Variants in DYRK1A observed in about 807,000 individuals in gnomAD.
DYRK1A encodes dual specificity tyrosine phosphorylation regulated kinase 1A.
DYRK1A carries 9 observed loss-of-function variants against 79.7 expected under a neutral mutation model. The ratio of observed to expected loss-of-function variants is 0.11; its 90% CI spans 0.07 to 0.20. The LOEUF (loss-of-function observed/expected upper bound fraction) is 0.20. Among genes scored for constraint, DYRK1A ranks in the 10% least tolerant of loss-of-function variants. The pLI is 1.00. For synonymous variants in DYRK1A, 349 were observed against 329.7 expected (o/e 1.06, Z -0.63); for missense variants, 622 against 956.0 (o/e 0.65, Z 4.61).
chr21:37,523,530 C>T lies in DYRK1A; in HGVS notation c.*10999C>T, dbSNP rs888932544. 1 of 152,212 alleles carries T rather than the reference C, an allele frequency of 6.6e-6. No individual in the cohort carries two copies. 9.4% of individuals were successfully genotyped at this position (152,212 alleles called of 1,614,324 possible). A position where few individuals can be genotyped will look rare whatever the true frequency, so the allele number is the denominator to read the frequency against. Reference sequence around the variant, plus strand: ...AGTTTTTGTCTCCCTGAAGCATCAACCTGCTTTCCTGCTGCTGTTATCACA... The same window carrying T: ...AGTTTTTGTCTCCCTGAAGCATCAATCTGCTTTCCTGCTGCTGTTATCACA... On this transcript the variant is annotated 3_prime_UTR_variant, in exon 12 of 12. Coordinates refer to ENST00000647188, the MANE Select transcript of DYRK1A (RefSeq NM_001347721.2).
chr21:37,371,268 T>C (rs909524154), intron 1 of DYRK1A, among the ~76,000 whole-genome samples: 3 of 152,202 alleles, frequency 2.0e-5, no homozygotes, highest in South Asian at 2.1e-4. Context: ...GAAGGTTCGT[T>C]CATATTGGGT....
intron 10 of DYRK1A, 108 bp from the exon 11 acceptor site, chr21:37,505,989 ATG>A (rs966630892): frequency 4.9e-5 from 62 of 1,255,978 alleles, no homozygotes; most frequent in Non-Finnish European, 6.4e-5. Context: ...GAGATTTTGT[ATG>A]TGTGTGTGTG....
chr21:37,505,687 T>C, intron 10 of DYRK1A, 98 bp downstream of exon 10: 1 of 1,287,748 alleles, frequency 7.8e-7, no homozygotes, highest in Non-Finnish European at 1.1e-6. Context: ...GTTAATAGAG[T>C]GGGGAGCAGT....
chr21:37,476,415 T>C (rs577056721), intron 3 of DYRK1A, among the ~76,000 whole-genome samples: 10 of 152,368 alleles, frequency 6.6e-5, no homozygotes, highest in African/African-American at 9.6e-5. Flanking sequence ...CAATGACTTA[T>C]ACTTCCTGTC....
At chr21:37,398,061 A>G (rs1490617598) in intron 1 of DYRK1A, among the ~76,000 whole-genome samples, 1 of 55,440 alleles carries the variant, frequency 1.8e-5, no homozygotes, top group Non-Finnish European at 3.9e-5. Context: ...GCAAGACCTC[A>G]TCTCTTAAAA....
intron 2 of DYRK1A, among the ~76,000 whole-genome samples, chr21:37,429,080 G>A (rs1156380046): frequency 6.6e-6 from 1 of 152,154 alleles, no homozygotes; most frequent in East Asian, 1.9e-4. Context: ...ATATACATTA[G>A]AGAGAAACAC....
At chr21:37,421,146 A>G (rs2050463879) in intron 2 of DYRK1A, among the ~76,000 whole-genome samples, 1 of 152,152 alleles carries the variant, frequency 6.6e-6, no homozygotes, top group Non-Finnish European at 1.5e-5. Flanking sequence ...TTGTTGAACT[A>G]AGTGACTTAA....
intron 1 of DYRK1A, among the ~76,000 whole-genome samples, chr21:37,391,053 T>G (rs1340859073): frequency 2.0e-5 from 3 of 152,218 alleles, no homozygotes; most frequent in Non-Finnish European, 4.4e-5. Context: ...TGTTTTGAAT[T>G]TTGATGAAGT....
At chr21:37,402,045 T>G (rs1242709852) in intron 1 of DYRK1A, among the ~76,000 whole-genome samples, 2 of 152,206 alleles carry the variant, frequency 1.3e-5, no homozygotes, top group African/African-American at 4.8e-5. Flanking sequence ...CAGATTGATT[T>G]ATCTGCCATC....
chr21:37,395,903 C>T (rs1426612863), intron 1 of DYRK1A, among the ~76,000 whole-genome samples: 2 of 152,218 alleles, frequency 1.3e-5, no homozygotes, highest in African/African-American at 4.8e-5. Flanking sequence ...CATAATGGCA[C>T]TGTATACTGA....
At chr21:37,454,085 CTTTTTTTTTTTTTT>C (rs571859735) in intron 2 of DYRK1A, among the ~76,000 whole-genome samples, 2 of 59,614 alleles carry the variant, frequency 3.4e-5, no homozygotes, top group African/African-American at 1.3e-4. Context: ...ATGTAGTCTC[CTTTTTTTTTTTTTT>C]TTTTTTTTTT....
intron 2 of DYRK1A, among the ~76,000 whole-genome samples, chr21:37,433,612 AG>A (rs921699106): frequency 7.2e-5 from 11 of 152,238 alleles, no homozygotes; most frequent in Non-Finnish European, 8.8e-5. Flanking sequence ...TGAAGTTTAA[AG>A]GGCTGAGATT....
intron 1 of DYRK1A, among the ~76,000 whole-genome samples, chr21:37,388,100 AT>A (rs34571307): frequency 0.018 from 2,049 of 116,608 alleles, 37 homozygotes; most frequent in African/African-American, 0.062. Flanking sequence ...CTTCCCTTTG[AT>A]TTTTTTTTTT....
intron 2 of DYRK1A, chr21:37,430,141 G>A (rs2050737105): frequency 4.5e-6 from 1 of 223,640 alleles, no homozygotes; most frequent in Admixed American, 6.5e-5. Flanking sequence ...TGAAATGAGA[G>A]CTTTAGAGCC....
intron 7 of DYRK1A, 54 bp downstream of exon 7, chr21:37,490,515 A>AG: frequency 5.9e-6 from 9 of 1,528,566 alleles, no homozygotes; most frequent in Non-Finnish European, 7.9e-6. Context: ...AGAAGTAGGT[A>AG]GGACAGTGTA....
rs1162247979 is a variant in DYRK1A, at chr21:37,523,193, C to T, written c.*10662C>T. Reference sequence around the variant, plus strand: ...TAGCTGGGACCACAGGCGCATGCCACTGTGCCTGGCTAAATTATTTTATAT... The same window carrying T: ...TAGCTGGGACCACAGGCGCATGCCATTGTGCCTGGCTAAATTATTTTATAT... On this transcript the variant is annotated 3_prime_UTR_variant, in exon 12 of 12. Transcript: ENST00000647188. 2 of 152,196 alleles carry T rather than the reference C, an allele frequency of 1.3e-5. No individual in the cohort carries two copies. The highest frequency in any genetic ancestry group is 2.9e-5 in the Non-Finnish European group (2 of 68,092). 9.4% of individuals were successfully genotyped at this position (152,196 alleles called of 1,614,324 possible).
rs117300924 is a variant in DYRK1A at position 37,516,685 on chromosome 21, C to A, written c.*4154C>A. On this transcript the variant is annotated 3_prime_UTR_variant, in exon 12 of 12. Coordinates refer to ENST00000647188, the MANE Select transcript of DYRK1A (RefSeq NM_001347721.2). ...ATGTTCATTGAGGTAAGTGGCTCAT[C>A]GCTTGGTGTGTTTGGCTCTCTTTGG... 6.6e-6 allele frequency: 1 copy of A among 152,060 alleles called. No homozygotes were observed. The highest frequency in any genetic ancestry group is 2.4e-5 in the African/African-American group (1 of 41,414). The allele number at this position is 152,060 out of a possible 1,614,324, so 9.4% of individuals were successfully genotyped here.
At chr21:37,451,155 A>T (rs2051434390) in intron 2 of DYRK1A, among the ~76,000 whole-genome samples, 1 of 152,248 alleles carries the variant, frequency 6.6e-6, no homozygotes, top group African/African-American at 2.4e-5. Context: ...TTAAGCTGTT[A>T]TTACAAAAGA....
At chr21:37,406,695 CTT>C (rs1476493180) in intron 1 of DYRK1A, among the ~76,000 whole-genome samples, 3 of 151,148 alleles carry the variant, frequency 2.0e-5, no homozygotes, top group Admixed American at 6.6e-5. Context: ...GAGTGAGACT[CTT>C]GTCTCCAAAA....
Sources: gnomAD v4.1 joint callset for allele counts (sites outside exome capture counted in the v4.1 genomes callset) on GRCh38, gnomAD v4.1.1 for gene constraint, MANE v1.5 for transcripts, NCBI Gene and HGNC (gene_info 2026-07-23, HGNC 2026-07-21) for gene names.